Variants in PDIA4 observed in about 807,000 individuals in gnomAD.
PDIA4 encodes protein disulfide isomerase family A member 4, also known as protein disulfide-isomerase A4.
A neutral mutation model predicts 62.1 loss-of-function variants in PDIA4; 33 were observed. That is an observed-to-expected ratio of 0.53 (90% CI 0.40 to 0.71). The LOEUF is 0.71. PDIA4 is among the 30% of genes least tolerant of loss of function. The probability of loss-of-function intolerance (pLI) is 0.00; values close to 1 mark genes in which losing one functional copy is unlikely to be tolerated. For synonymous variants in PDIA4, 341 were observed against 324.1 expected, an observed-to-expected ratio of 1.05 and a Z score of -0.56; for missense variants, 804 against 813.6, an observed-to-expected ratio of 0.99 and a Z score of 0.14.
At position 149,011,877 on chromosome 7, in the gene PDIA4, A is replaced by G. The variant is rs745923795; in HGVS notation, c.948T>C (p.Ser316=). The change falls in exon 6 of 10, where the codon AGT becomes AGC. Residue 316 remains serine (S), a synonymous_variant. Transcript: ENST00000652332. ...CCTGGTATTGCTGGTAGGCTGGGTC[A>G]CTCTCCCCCTTAAAGACCCCGATGA... ...VIIIGVFKGE[S]DPAYQQYQDA... is the part of the protein sequence containing the mutation. 2 of 1,588,204 alleles carry G rather than the reference A, an allele frequency of 1.3e-6. No individual in the cohort carries two copies. Among genetic ancestry groups the G allele is most frequent in the Admixed American group, 3.5e-5 (2 of 56,538 alleles).
intron 1 of PDIA4, among the ~76,000 whole-genome samples, chr7:149,025,657 A>C (rs1382209280): frequency 6.6e-6 from 1 of 152,138 alleles, no homozygotes; most frequent in Admixed American, 6.5e-5. Flanking sequence ...GAGGGTCCTG[A>C]CCACTTAACT....
rs1244622041 is a variant in PDIA4 at position 149,014,797 on chromosome 7, GC to G, written c.614+106del. 3 of 1,018,720 alleles carry G rather than the reference GC, an allele frequency of 2.9e-6. No individual in the cohort carries two copies. The African/African-American group carries it at 4.8e-5, about 16-fold the overall frequency. 63.1% of individuals were successfully genotyped at this position (1,018,720 alleles called of 1,614,324 possible). A position where few individuals can be genotyped will look rare whatever the true frequency, so the allele number is the denominator to read the frequency against. ...GCCTCAATCCTGGCCTACAACTCGT[GC>G]CCACCTTGCTCCTCTGCTGTTCCTG... On this transcript the variant is annotated intron_variant, in intron 4 of 9. Transcript: ENST00000652332.
chr7:149,023,814 C>T (rs6464930), intron 1 of PDIA4, among the ~76,000 whole-genome samples: 32,424 of 152,060 alleles, frequency 0.21, 3,942 homozygotes, highest in African/African-American at 0.32. Context: ...AAAACAAAGA[C>T]GTCTTCTTAC....
At chr7:149,005,520 T>C (rs1002424448) in intron 8 of PDIA4, 146 bp from the exon 9 acceptor site, 2 of 637,846 alleles carry the variant, frequency 3.1e-6, no homozygotes, top group African/African-American at 3.7e-5. Context: ...AACATGTTTC[T>C]GGAAAAGCCC....
At chr7:149,024,988 G>A (rs1824496523) in intron 1 of PDIA4, among the ~76,000 whole-genome samples, 1 of 146,638 alleles carries the variant, frequency 6.8e-6, no homozygotes, top group Admixed American at 7.0e-5. Context: ...GCTGGGCGTG[G>A]TGACACATGC....
In PDIA4 at chr7:149,011,899, A is replaced by G. The variant is rs1420760534; in HGVS notation, c.926T>C (p.Ile309Thr). ...FLKDGDDVII[I>T]GVFKGESDPA... Reference sequence around the variant, plus strand: ...GTCACTCTCCCCCTTAAAGACCCCGATGATGATGACATCGTCTCCATCCTT... The same window carrying G: ...GTCACTCTCCCCCTTAAAGACCCCGGTGATGATGACATCGTCTCCATCCTT... The change falls in exon 6 of 10, where the codon ATC becomes ACC. Residue 309 changes from isoleucine to threonine, a missense_variant. Ile to Thr is a moderately conservative substitution (Grantham distance 89). Transcript: ENST00000652332. 6.2e-7 allele frequency: 1 copy of G among 1,605,956 alleles called. No individual in the cohort carries two copies. The highest frequency in any genetic ancestry group is 1.1e-5 in the South Asian group (1 of 89,914).
rs1454700384 is a variant in PDIA4 at position 149,028,428 on chromosome 7, G to A, written c.-20C>T. 5.5e-6 allele frequency: 8 copies of A among 1,464,652 alleles called. No individual in the cohort carries two copies. Among genetic ancestry groups the A allele is most frequent in the South Asian group, 3.9e-5 (3 of 77,122 alleles). The allele number at this position is 1,464,652 out of a possible 1,614,324, so 90.7% of individuals were successfully genotyped here. On this transcript the variant is annotated 5_prime_UTR_variant, in exon 1 of 10. Transcript: ENST00000652332. ...CCTCATGGTAGCGGGGGCGGAGCGC[G>A]GCCTCCTAGCGTCGGCGGCCGCTGA...
In PDIA4 at chr7:149,028,454, G is replaced by A. The variant is rs1041194525; in HGVS notation, c.-46C>T. ...GCCTCCTAGCGTCGGCGGCCGCTGA[G>A]CGCACCGAGAACTCGGGGTCTGGCC... is the stretch of plus-strand genomic sequence containing the variant. On this transcript the variant is annotated 5_prime_UTR_variant, in exon 1 of 10. Coordinates refer to ENST00000652332, the MANE Select transcript of PDIA4 (RefSeq NM_004911.5). 2.3e-5 allele frequency: 31 copies of A among 1,335,392 alleles called. No individual in the cohort carries two copies. Among genetic ancestry groups the A allele is most frequent in the Non-Finnish European group, 3.1e-5 (31 of 1,005,878 alleles). The allele number at this position is 1,335,392 out of a possible 1,614,324, so 82.7% of individuals were successfully genotyped here. A position where few individuals can be genotyped will look rare whatever the true frequency, so the allele number is the denominator to read the frequency against.
intron 4 of PDIA4, among the ~76,000 whole-genome samples, chr7:149,014,229 T>C (rs2129504779): frequency 6.6e-6 from 1 of 152,234 alleles, no homozygotes. Context: ...CCCCCCGGCC[T>C]GTGCATCAGC....
At chr7:149,010,255 T>C (rs887962458) in intron 6 of PDIA4, among the ~76,000 whole-genome samples, 1 of 152,114 alleles carries the variant, frequency 6.6e-6, no homozygotes, top group Non-Finnish European at 1.5e-5. Context: ...ATCCCAGCAC[T>C]GTGGGAGGCC....
chr7:149,004,341 C>G, intron 9 of PDIA4, 132 bp from the exon 10 acceptor site: 2 of 814,526 alleles, frequency 2.5e-6, no homozygotes, highest in Admixed American at 4.8e-5. Context: ...GAGCCCACTA[C>G]TGTAGAAAGT....
At chr7:149,009,465 C>T (rs369120781) in intron 6 of PDIA4, among the ~76,000 whole-genome samples, 1 of 152,196 alleles carries the variant, frequency 6.6e-6, no homozygotes, top group African/African-American at 2.4e-5. Flanking sequence ...GGAGTTTTCA[C>T]ACCCAGCACC....
At position 149,011,920 on chromosome 7, in the gene PDIA4, T is replaced by C. The variant is rs759245452; in HGVS notation, c.905A>G (p.Asp302Gly). 6.8e-6 allele frequency: 11 copies of C among 1,610,090 alleles called. No individual in the cohort carries two copies. In the Admixed American group the frequency reaches 1.2e-4, roughly 17 times the overall value. ...CCCGATGATGATGACATCGTCTCCA[T>C]CCTTCAGGAACTCCTGGACCTGCTT... ...TLKQVQEFLK[D>G]GDDVIIIGVF... Residue 302 changes from aspartate (D) to glycine (G), a missense_variant, in exon 6 of 10, where the codon GAT (aspartate) becomes GGT (glycine). Asp to Gly is a moderately conservative substitution (Grantham distance 94). Transcript: ENST00000652332.
At position 149,003,637 on chromosome 7, in the gene PDIA4, T is replaced by C. The variant is rs1333305735; in HGVS notation, c.*157A>G. On this transcript the variant is annotated 3_prime_UTR_variant, in exon 10 of 10. Transcript: ENST00000652332. ...TTCAGTCATTCATGGTTATTCAGTA[T>C]TCAGAGCATGAAGTGAAACACCAAA... is the stretch of plus-strand genomic sequence containing the variant. 4 of 497,570 alleles carry C rather than the reference T, an allele frequency of 8.0e-6. No homozygotes were observed. Among genetic ancestry groups the C allele is most frequent in the Non-Finnish European group, 1.4e-5 (4 of 289,274 alleles). The allele number at this position is 497,570 out of a possible 1,614,324, so 30.8% of individuals were successfully genotyped here.
chr7:149,004,941 T>C (rs1270018770), intron 9 of PDIA4, among the ~76,000 whole-genome samples, 200 bp downstream of exon 9: 1 of 152,250 alleles, frequency 6.6e-6, no homozygotes. Flanking sequence ...TAAGCTATTC[T>C]GGTGCCTTGG....
chr7:149,017,973 T>A (rs967662846), intron 3 of PDIA4, among the ~76,000 whole-genome samples: 1 of 152,208 alleles, frequency 6.6e-6, no homozygotes, highest in African/African-American at 2.4e-5. Context: ...TTCACGCCTG[T>A]AATCCCAGCA....
chr7:149,003,652 G>T lies in PDIA4; in HGVS notation c.*142C>A. The T allele has an allele frequency of 1.8e-6, 1 of 560,050 alleles. No individual in the cohort carries two copies. The highest frequency in any genetic ancestry group is 2.9e-6 in the Non-Finnish European group (1 of 342,194). The allele number at this position is 560,050 out of a possible 1,614,324, so 34.7% of individuals were successfully genotyped here. A position where few individuals can be genotyped will look rare whatever the true frequency, so the allele number is the denominator to read the frequency against. The stretch of plus-strand genomic sequence containing the variant: ...TTATTCAGTATTCAGAGCATGAAGT[G>T]AAACACCAAAGTATAAAAAATTAAA... On this transcript the variant is annotated 3_prime_UTR_variant, in exon 10 of 10. Coordinates refer to ENST00000652332, the MANE Select transcript of PDIA4 (RefSeq NM_004911.5).
intron 1 of PDIA4, among the ~76,000 whole-genome samples, chr7:149,025,988 C>T (rs1824538925): frequency 6.6e-6 from 1 of 151,998 alleles, no homozygotes; most frequent in Admixed American, 6.6e-5. Flanking sequence ...CTTAAACCAT[C>T]AGAGCTTAGG....
intron 9 of PDIA4, among the ~76,000 whole-genome samples, chr7:149,004,526 G>A (rs753714775): frequency 5.3e-5 from 8 of 151,886 alleles, no homozygotes; most frequent in Non-Finnish European, 1.0e-4. Context: ...CCATGGGGGG[G>A]AGGTGCCAGG....
Sources: gnomAD v4.1 joint callset for allele counts (sites outside exome capture counted in the v4.1 genomes callset) on GRCh38, gnomAD v4.1.1 for gene constraint, MANE v1.5 for transcripts, NCBI Gene and HGNC (gene_info 2026-07-23, HGNC 2026-07-21) for gene names.